Variants in GABRA6 observed in about 807,000 individuals in gnomAD.
GABRA6 encodes the protein gamma-aminobutyric acid type A receptor subunit alpha6.
Under a neutral mutation model 47.3 loss-of-function variants are expected in GABRA6, and 45 were observed. That is an observed-to-expected ratio of 0.95 (90% confidence interval 0.75 to 1.22). GABRA6 has a LOEUF of 1.22. GABRA6 is among the 50% of genes most tolerant of loss of function. The probability of loss-of-function intolerance (pLI) is 0.00; values close to 1 mark genes in which losing one functional copy is unlikely to be tolerated. For synonymous variants in GABRA6, 219 were observed against 194.7 expected, an observed-to-expected ratio of 1.12 and a Z score of -1.04; for missense variants, 583 against 549.3, an observed-to-expected ratio of 1.06 and a Z score of -0.61.
At chr5:161,689,440 C>T (rs1754755213) in intron 5 of GABRA6, 104 bp downstream of exon 5, 1 of 1,104,616 alleles carries the variant, frequency 9.1e-7, no homozygotes. Context: ...AATCATGACA[C>T]TATCAGTGTG....
At chr5:161,688,811 T>C (rs925543345) in intron 3 of GABRA6, 138 bp from the exon 4 acceptor site, 2 of 740,892 alleles carry the variant, frequency 2.7e-6, no homozygotes, top group Non-Finnish European at 4.6e-6. Context: ...CTAGCTAAAA[T>C]TATAGCTTTG....
Position 161,701,721 on chromosome 5 carries a change from G to A in GABRA6, c.1310G>A (p.Trp437Ter), listed in dbSNP as rs2113091415. ...TTTGCAGGATTCAACCTTGTGTACTGGGTAGTTTATCTTTCCAAAGATACA... is the reference window on the plus strand; with the variant it reads ...TTTGCAGGATTCAACCTTGTGTACTAGGTAGTTTATCTTTCCAAAGATACA... ...VAFAGFNLVYWVVYLSKDTME... is the reference protein window; with the variant it reads ...VAFAGFNLVY Residue 437 changes from tryptophan (W) to a stop codon, truncating the protein, a stop_gained, in exon 9 of 9, where the codon TGG becomes TAG. Coordinates refer to ENST00000274545, the MANE Select transcript of GABRA6 (RefSeq NM_000811.3). LOFTEE classifies it high-confidence loss of function. 1 of 1,614,114 alleles carries A rather than the reference G, an allele frequency of 6.2e-7. No individual in the cohort carries two copies. The highest frequency in any genetic ancestry group is 1.1e-5 in the South Asian group (1 of 91,080).
chr5:161,687,051 G>T, intron 3 of GABRA6, 48 bp downstream of exon 3: 1 of 1,490,248 alleles, frequency 6.7e-7, no homozygotes, highest in Non-Finnish European at 9.4e-7. Context: ...GGGGAGGAGA[G>T]TGGAGTCCCA....
intron 2 of GABRA6, 86 bp downstream of exon 2, chr5:161,686,434 TA>T: frequency 9.8e-7 from 1 of 1,023,360 alleles, no homozygotes; most frequent in South Asian, 1.3e-5. Context: ...AGTCAGAAAC[TA>T]GGTAGTGGGA....
intron 8 of GABRA6, among the ~76,000 whole-genome samples, chr5:161,697,672 C>T (rs530873842): frequency 3.3e-5 from 5 of 152,236 alleles, no homozygotes; most frequent in Admixed American, 2.6e-4. Context: ...CATCCCAGGA[C>T]ACAGAGGATG....
At position 161,696,207 on chromosome 5, in the gene GABRA6, G is replaced by C. The variant is rs569858947; in HGVS notation, c.1086+4007G>C. ...TGCTACAAACTTGGGCATAGAGAGG[G>C]AAATAAGTTATATACCCTTCCTGTG... On this transcript the variant is annotated intron_variant, in intron 8 of 8. Transcript: ENST00000274545. Among the ~76,000 whole-genome samples, 5 of 152,266 alleles carry C rather than the reference G, an allele frequency of 3.3e-5. No homozygotes were observed. The East Asian group carries it at 9.6e-4, about 29-fold the overall frequency.
chr5:161,689,411 G>A, intron 5 of GABRA6, 75 bp downstream of exon 5: 6 of 1,268,292 alleles, frequency 4.7e-6, no homozygotes, highest in Non-Finnish European at 6.9e-6. Flanking sequence ...GTTGATACTG[G>A]AAATCAAGGA....
chr5:161,693,831 A>C (rs1055831559), intron 8 of GABRA6, among the ~76,000 whole-genome samples: 1 of 152,072 alleles, frequency 6.6e-6, no homozygotes, highest in African/African-American at 2.4e-5. Context: ...AATAATAATA[A>C]TAATAATCAG....
In GABRA6 at chr5:161,691,519, C is replaced by T. The variant is rs540558170; in HGVS notation, c.827-422C>T. 3.4e-4 allele frequency among the ~76,000 whole-genome samples: 52 copies of T among 151,782 alleles called. No homozygotes were observed. In the South Asian group the frequency reaches 1.0e-2, roughly 29 times the overall value. On this transcript the variant is annotated intron_variant, in intron 7 of 8. Coordinates refer to ENST00000274545, the MANE Select transcript of GABRA6 (RefSeq NM_000811.3). ...ACCGTGTTAGCCAGGATAGAATGGT[C>T]TCGATCTCCTGACCTCGTGATCCGC... is the stretch of plus-strand genomic sequence containing the variant.
chr5:161,692,142 C>A lies in GABRA6; in HGVS notation c.1028C>A (p.Ala343Asp). 3.1e-6 allele frequency: 5 copies of A among 1,614,142 alleles called. No individual in the cohort carries two copies. Among genetic ancestry groups the A allele is most frequent in the Non-Finnish European group, 4.2e-6 (5 of 1,179,980 alleles). The change falls in exon 8 of 9, where the codon GCC becomes GAC. Residue 343 changes from alanine (A) to aspartate (D), a missense_variant. Transcript: ENST00000274545. Reference protein sequence around the residue: ...QKAKRKAQFAAPPTVTISKAT... With the variant: ...QKAKRKAQFADPPTVTISKAT... The stretch of plus-strand genomic sequence containing the variant: ...GCCAAAAGGAAGGCACAGTTTGCAG[C>A]CCCACCCACAGTGACAATATCAAAA...
rs377669113 is a variant in GABRA6 at position 161,686,255 on chromosome 5, G to A, written c.64G>A (p.Glu22Lys). The A allele has an allele frequency of 1.9e-6, 3 of 1,613,740 alleles. No individual in the cohort carries two copies. Among genetic ancestry groups the A allele is most frequent in the African/African-American group, 2.7e-5 (2 of 74,912 alleles). Residue 22 changes from glutamate to lysine, a missense_variant, in exon 2 of 9, where the codon GAA becomes AAA. Coordinates refer to ENST00000274545, the MANE Select transcript of GABRA6 (RefSeq NM_000811.3). Reference protein sequence around the residue: ...LWLENALGKLEVEGNFYSENV... With the variant: ...LWLENALGKLKVEGNFYSENV... ...GCTAGAAAATGCCCTAGGGAAACTC[G>A]AAGTTGAAGGCAACTTCTACTCAGA...
Position 161,686,975 on chromosome 5 carries a change from G to A in GABRA6, c.197G>A (p.Ser66Asn). 1 of 1,614,006 alleles carries A rather than the reference G, an allele frequency of 6.2e-7. No individual in the cohort carries two copies. Among genetic ancestry groups the A allele is most frequent in the Non-Finnish European group, 8.5e-7 (1 of 1,179,904 alleles). ...GTCAAAACAGACATTTATGTGACCA[G>A]TTTTGGGCCCGTGTCAGATGTGGAG... ...TEVKTDIYVT[S>N]FGPVSDVEME... Residue 66 changes from serine (S) to asparagine (N), a missense_variant, in exon 3 of 9, where the codon AGT becomes AAT. Coordinates refer to ENST00000274545, the MANE Select transcript of GABRA6 (RefSeq NM_000811.3).
intron 2 of GABRA6, 134 bp downstream of exon 2, chr5:161,686,482 C>A: frequency 1.3e-6 from 1 of 766,956 alleles, no homozygotes; most frequent in Non-Finnish European, 2.4e-6. Context: ...TGGGTATGTT[C>A]CCATCCAGTC....
At position 161,692,136 on chromosome 5, in the gene GABRA6, T is replaced by C. The variant is rs2113075829; in HGVS notation, c.1022T>C (p.Phe341Ser). The C allele has an allele frequency of 6.2e-7, 1 of 1,614,160 alleles. No individual in the cohort carries two copies. The highest frequency in any genetic ancestry group is 2.2e-5 in the East Asian group (1 of 44,884). ...CAGAAGGCCAAAAGGAAGGCACAGT[T>C]TGCAGCCCCACCCACAGTGACAATA... ...QTQKAKRKAQ[F>S]AAPPTVTISK... The change falls in exon 8 of 9, where the codon TTT (phenylalanine) becomes TCT (serine). Residue 341 changes from phenylalanine (F) to serine (S), a missense_variant. Physicochemically the swap from Phe to Ser is radical, Grantham distance 155. Coordinates refer to ENST00000274545, the MANE Select transcript of GABRA6 (RefSeq NM_000811.3).
At chr5:161,693,174 T>C (rs1754832255) in intron 8 of GABRA6, among the ~76,000 whole-genome samples, 2 of 152,200 alleles carry the variant, frequency 1.3e-5, no homozygotes, top group Non-Finnish European at 2.9e-5. Context: ...AGTTTAACTT[T>C]ATGATAAAAG....
intron 8 of GABRA6, among the ~76,000 whole-genome samples, chr5:161,695,907 G>C (rs530894908): frequency 5.7e-4 from 86 of 151,888 alleles, no homozygotes; most frequent in Non-Finnish European, 1.2e-3. Context: ...TATGTGCCAG[G>C]CCTTTTGTAG....
At chr5:161,693,350 A>G (rs539172889) in intron 8 of GABRA6, among the ~76,000 whole-genome samples, 3 of 152,270 alleles carry the variant, frequency 2.0e-5, no homozygotes, top group African/African-American at 7.2e-5. Context: ...GTAGAAATAT[A>G]TAATTTAAGG....
At chr5:161,687,997 C>T (rs1321552445) in intron 3 of GABRA6, among the ~76,000 whole-genome samples, 2 of 151,998 alleles carry the variant, frequency 1.3e-5, no homozygotes. Flanking sequence ...ATTTTTCATT[C>T]GTGTTCTAAG....
intron 8 of GABRA6, among the ~76,000 whole-genome samples, chr5:161,696,554 G>T (rs1444266535): frequency 6.6e-6 from 1 of 152,052 alleles, no homozygotes; most frequent in Non-Finnish European, 1.5e-5. Context: ...GACGAGGGTT[G>T]TAGGTGGTTA....
Sources: allele counts gnomAD v4.1 joint callset (sites outside exome capture counted in the v4.1 genomes callset), GRCh38; gene constraint gnomAD v4.1.1; transcripts MANE v1.5; gene names NCBI Gene and HGNC (gene_info 2026-07-23, HGNC 2026-07-21).